Variants in AUTS2 observed in about 807,000 individuals in gnomAD.
AUTS2 encodes activator of transcription and developmental regulator AUTS2.
Under a neutral mutation model 112.4 loss-of-function variants are expected in AUTS2, and 17 were observed. The observed-to-expected ratio is 0.15, with a 90% CI of 0.10 to 0.23. The LOEUF is 0.23. AUTS2 is among the 10% of genes least tolerant of loss of function. The pLI is 1.00. For missense variants in AUTS2, 1,510 were observed against 1,701.6 expected, an observed-to-expected ratio of 0.89 and a Z score of 1.98; for synonymous variants, 751 against 702.7, an observed-to-expected ratio of 1.07 and a Z score of -1.09.
chr7:69,740,515 A>C (rs1287074653), intron 1 of AUTS2, among the ~76,000 whole-genome samples: 4 of 135,946 alleles, frequency 2.9e-5, no homozygotes, highest in Non-Finnish European at 6.4e-5. Context: ...TACTTAAATC[A>C]GAAATGTCTT....
At chr7:69,701,852 T>G (rs1314495171) in intron 1 of AUTS2, among the ~76,000 whole-genome samples, 3 of 152,162 alleles carry the variant, frequency 2.0e-5, no homozygotes, top group African/African-American at 7.2e-5. Flanking sequence ...GGAGTTGGGG[T>G]TTGAGTCCAG....
intron 14 of AUTS2, 79 bp downstream of exon 14, chr7:70,777,253 G>T: frequency 7.5e-7 from 1 of 1,328,626 alleles, no homozygotes; most frequent in East Asian, 2.3e-5. Context: ...ACCTGATGAA[G>T]GAGGCATTTA....
intron 1 of AUTS2, among the ~76,000 whole-genome samples, chr7:69,639,073 C>T (rs1253303849): frequency 1.3e-5 from 2 of 152,218 alleles, no homozygotes; most frequent in South Asian, 2.1e-4. Flanking sequence ...AGCCTTTCCC[C>T]CTTCTTAGTG....
intron 5 of AUTS2, among the ~76,000 whole-genome samples, chr7:70,609,814 C>T (rs1803983586): frequency 6.6e-6 from 1 of 152,136 alleles, no homozygotes; most frequent in Admixed American, 6.5e-5. Flanking sequence ...TGTCAGCGGA[C>T]ACTTAGGTGA....
chr7:70,163,272 A>G (rs1808192030), intron 4 of AUTS2, among the ~76,000 whole-genome samples: 1 of 147,446 alleles, frequency 6.8e-6, no homozygotes, highest in Non-Finnish European at 1.5e-5. Flanking sequence ...GCATGTAGAA[A>G]CTAAGCCAGT....
At chr7:70,656,896 A>T (rs757606539) in intron 5 of AUTS2, among the ~76,000 whole-genome samples, 2 of 147,620 alleles carry the variant, frequency 1.4e-5, no homozygotes, top group African/African-American at 5.2e-5. Context: ...ACATCCTACA[A>T]GCTAAGGTGT....
intron 6 of AUTS2, among the ~76,000 whole-genome samples, chr7:70,732,387 G>A (rs1036155628): frequency 2.6e-5 from 4 of 152,144 alleles, no homozygotes; most frequent in African/African-American, 9.7e-5. Context: ...GGGTGAAGGA[G>A]ATAGGGATGG....
At chr7:70,471,801 C>T (rs530076409) in intron 5 of AUTS2, among the ~76,000 whole-genome samples, 7 of 151,392 alleles carry the variant, frequency 4.6e-5, no homozygotes, top group Non-Finnish European at 8.8e-5. Context: ...GATGTGGATC[C>T]GGTGGGTGTA....
intron 4 of AUTS2, among the ~76,000 whole-genome samples, chr7:70,422,386 T>C (rs1795260527): frequency 6.6e-6 from 1 of 152,222 alleles, no homozygotes; most frequent in African/African-American, 2.4e-5. Flanking sequence ...AGTTTTTTTA[T>C]TTTGAGTTTC....
intron 4 of AUTS2, among the ~76,000 whole-genome samples, chr7:70,158,277 G>A (rs570616551): frequency 6.6e-6 from 1 of 152,214 alleles, no homozygotes; most frequent in African/African-American, 2.4e-5. Context: ...TATTAGATGT[G>A]TGTGAGAGAT....
intron 4 of AUTS2, among the ~76,000 whole-genome samples, chr7:70,304,061 G>A (rs1789371957): frequency 6.6e-6 from 1 of 152,128 alleles, no homozygotes; most frequent in African/African-American, 2.4e-5. Flanking sequence ...CAGCCTTGCA[G>A]TTCCATGCTC....
chr7:69,907,520 C>G lies in AUTS2; in HGVS notation c.522+8022C>G, dbSNP rs751729076. Among the ~76,000 whole-genome samples, 198 of 152,268 alleles carry G rather than the reference C, an allele frequency of 1.3e-3. 3 individuals carry two copies. The highest frequency in any genetic ancestry group is 4.3e-4 in the Non-Finnish European group (29 of 68,036). On this transcript the variant is annotated intron_variant, in intron 2 of 18. Transcript: ENST00000342771. ...TCCTCTCACAAACTTTAAATCATCT[C>G]TAAATTATTTATAATACCTAGTACA...
intron 4 of AUTS2, among the ~76,000 whole-genome samples, chr7:70,391,639 A>G (rs993138264): frequency 2.0e-5 from 3 of 152,178 alleles, no homozygotes; most frequent in African/African-American, 2.4e-5. Flanking sequence ...TCGGGGAAAC[A>G]TTTGCCTGGC....
intron 3 of AUTS2, among the ~76,000 whole-genome samples, chr7:70,134,161 C>T (rs1365458499): frequency 1.3e-5 from 2 of 152,114 alleles, no homozygotes; most frequent in Non-Finnish European, 2.9e-5. Flanking sequence ...AACTGAGTAG[C>T]TTGAGACCAG....
chr7:70,172,437 C>T (rs1354841489), intron 4 of AUTS2, among the ~76,000 whole-genome samples: 2 of 152,190 alleles, frequency 1.3e-5, no homozygotes, highest in African/African-American at 4.8e-5. Flanking sequence ...TCTTCGATTT[C>T]ATCAGATGCT....
At chr7:69,862,369 G>T (rs949218618) in intron 1 of AUTS2, among the ~76,000 whole-genome samples, 2 of 152,176 alleles carry the variant, frequency 1.3e-5, no homozygotes, top group Admixed American at 1.3e-4. Flanking sequence ...TAAAGGAAAT[G>T]AAAACGAACC....
chr7:70,687,315 T>G (rs1376808419), intron 5 of AUTS2, among the ~76,000 whole-genome samples: 1 of 152,214 alleles, frequency 6.6e-6, no homozygotes, highest in African/African-American at 2.4e-5. Flanking sequence ...CATGCACTGC[T>G]GTAAAAAGTA....
chr7:70,312,560 G>A lies in AUTS2; in HGVS notation c.661-123192G>A, dbSNP rs542240491. Among the ~76,000 whole-genome samples, 8 of 152,290 alleles carry A rather than the reference G, an allele frequency of 5.3e-5. No homozygotes were observed. In the South Asian group the frequency reaches 1.7e-3, roughly 32 times the overall value. ...CTGATCTGACAGGATGTGGGGTGGA[G>A]TTCTTTTTCTTTTCTCCACCAACAC... is the stretch of plus-strand genomic sequence containing the variant. On this transcript the variant is annotated intron_variant, in intron 4 of 18. Transcript: ENST00000342771.
At chr7:70,784,714 A>C in intron 15 of AUTS2, 1 of 549,798 alleles carries the variant, frequency 1.8e-6, no homozygotes, top group South Asian at 2.3e-5. Flanking sequence ...TGGGAAAGAG[A>C]AAGAGGGATG....
Sources: gnomAD v4.1 joint callset for allele counts (sites outside exome capture counted in the v4.1 genomes callset) on GRCh38, gnomAD v4.1.1 for gene constraint, MANE v1.5 for transcripts, NCBI Gene and HGNC (gene_info 2026-07-23, HGNC 2026-07-21) for gene names.